Variants in RNF216 observed in about 807,000 individuals in gnomAD.
RNF216 encodes E3 ubiquitin-protein ligase RNF216.
A neutral mutation model predicts 110.8 loss-of-function variants in RNF216; 72 were observed. The observed-to-expected ratio is 0.65, with a 90% CI of 0.54 to 0.79. The LOEUF (loss-of-function observed/expected upper bound fraction) is 0.79, where lower values mean the gene tolerates loss of function less well. RNF216 is among the 30% of genes least tolerant of loss of function. The pLI is 0.00. For missense variants in RNF216, 1,342 were observed against 1,141.2 expected, an observed-to-expected ratio of 1.18 and a Z score of -2.54; for synonymous variants, 495 against 407.5, an observed-to-expected ratio of 1.21 and a Z score of -2.59.
intron 13 of RNF216, among the ~76,000 whole-genome samples, chr7:5,697,231 C>A (rs965602891): frequency 1.3e-5 from 2 of 152,246 alleles, no homozygotes; most frequent in African/African-American, 4.8e-5. Flanking sequence ...AGGCCCAGAC[C>A]CATGTCGCTC....
chr7:5,661,324 T>C (rs1473663878), intron 13 of RNF216, among the ~76,000 whole-genome samples: 3 of 151,622 alleles, frequency 2.0e-5, no homozygotes, highest in South Asian at 4.2e-4. Context: ...GTCTCCTCAG[T>C]AGCCTGAACT....
At chr7:5,762,562 G>A (rs1301555471) in intron 1 of RNF216, among the ~76,000 whole-genome samples, 1 of 151,516 alleles carries the variant, frequency 6.6e-6, no homozygotes, top group Non-Finnish European at 1.5e-5. Flanking sequence ...TGTGGTGACG[G>A]GCACCTGATA....
intron 9 of RNF216, among the ~76,000 whole-genome samples, chr7:5,717,506 C>T (rs1562424258): frequency 6.6e-6 from 1 of 152,152 alleles, no homozygotes; most frequent in Admixed American, 6.6e-5. Flanking sequence ...AATGCCACTT[C>T]CAAGAGTCTA....
chr7:5,777,787 T>C (rs890728649), intron 1 of RNF216, among the ~76,000 whole-genome samples: 1 of 152,234 alleles, frequency 6.6e-6, no homozygotes, highest in African/African-American at 2.4e-5. Flanking sequence ...AAGAATCCTA[T>C]TATCTGTGTA....
chr7:5,668,730 G>C (rs938666216), intron 13 of RNF216, among the ~76,000 whole-genome samples: 1 of 152,156 alleles, frequency 6.6e-6, no homozygotes, highest in African/African-American at 2.4e-5. Context: ...TCCCAGTCCC[G>C]AGGAAGAACG....
At chr7:5,755,212 A>T (rs140276083) in intron 2 of RNF216, among the ~76,000 whole-genome samples, 21 of 119,540 alleles carry the variant, frequency 1.8e-4, no homozygotes, top group Admixed American at 1.6e-3. Flanking sequence ...GAGGGAAGGA[A>T]GAAAGGAAGG....
At chr7:5,658,447 A>G (rs1562797403) in intron 13 of RNF216, among the ~76,000 whole-genome samples, 1 of 152,098 alleles carries the variant, frequency 6.6e-6, no homozygotes. Context: ...ACGTAAGCCC[A>G]GGAGTTTGAG....
intron 3 of RNF216, among the ~76,000 whole-genome samples, chr7:5,751,491 TGAAA>T (rs1464581064): frequency 1.3e-5 from 2 of 152,014 alleles, no homozygotes; most frequent in Admixed American, 6.6e-5. Context: ...TCCTAGAAAT[TGAAA>T]GAAAGAGTGA....
chr7:5,755,274 T>C (rs1385198353), intron 2 of RNF216, among the ~76,000 whole-genome samples: 1 of 151,530 alleles, frequency 6.6e-6, no homozygotes, highest in Non-Finnish European at 1.5e-5. Flanking sequence ...AAGGAACCTA[T>C]CACCTTATAA....
intron 3 of RNF216, among the ~76,000 whole-genome samples, chr7:5,744,117 G>A (rs1191550774): frequency 6.6e-6 from 1 of 152,116 alleles, no homozygotes; most frequent in South Asian, 2.1e-4. Context: ...GAATTCTAAA[G>A]TAACAGCATG....
chr7:5,719,827 TGCA>T (rs1793301657), intron 9 of RNF216, among the ~76,000 whole-genome samples: 5 of 152,360 alleles, frequency 3.3e-5, no homozygotes, highest in Admixed American at 3.3e-4. Context: ...AAGTGGCCAA[TGCA>T]GCTGCTTTGT....
chr7:5,692,959 T>C (rs1732334229), intron 13 of RNF216, among the ~76,000 whole-genome samples: 1 of 152,260 alleles, frequency 6.6e-6, no homozygotes, highest in Non-Finnish European at 1.5e-5. Flanking sequence ...TATGTCTGTG[T>C]CAGCAAGCAT....
At chr7:5,654,134 C>A (rs186650349) in intron 13 of RNF216, among the ~76,000 whole-genome samples, 156 of 152,174 alleles carry the variant, frequency 1.0e-3, no homozygotes, top group Non-Finnish European at 1.4e-3. Flanking sequence ...TAAAGCCACT[C>A]AGGAGAGAGG....
intron 15 of RNF216, among the ~76,000 whole-genome samples, chr7:5,636,842 AAAC>A (rs1290666877): frequency 2.6e-5 from 4 of 152,322 alleles, no homozygotes; most frequent in African/African-American, 4.8e-5. Flanking sequence ...TCCAACAAGA[AAAC>A]AACAAGGCAG....
chr7:5,627,163 G>A (rs1347480986), intron 15 of RNF216, among the ~76,000 whole-genome samples: 1 of 152,194 alleles, frequency 6.6e-6, no homozygotes, highest in Non-Finnish European at 1.5e-5. Context: ...TGAGGTCCCT[G>A]AGAAAGTACC....
At chr7:5,721,513 G>A (rs143934639) in intron 8 of RNF216, among the ~76,000 whole-genome samples, 39 of 152,238 alleles carry the variant, frequency 2.6e-4, no homozygotes, top group African/African-American at 8.7e-4. Flanking sequence ...TCTGAATAGC[G>A]CTGCTTATAG....
rs145269169 is a variant in RNF216, at chr7:5,642,415, T to C, written c.2160-1039A>G. Among the ~76,000 whole-genome samples, 33 of 152,244 alleles carry C rather than the reference T, an allele frequency of 2.2e-4. No homozygotes were observed. The East Asian group carries it at 5.0e-3, about 23-fold the overall frequency. On this transcript the variant is annotated intron_variant, in intron 14 of 16. Transcript: ENST00000389902. Reference sequence around the variant, plus strand: ...TTTTAGTAGAAATGGGGTTTCACCATGTTGGCCAGGCTGGTCTGGAACTCC... The same window carrying C: ...TTTTAGTAGAAATGGGGTTTCACCACGTTGGCCAGGCTGGTCTGGAACTCC...
chr7:5,690,053 G>A (rs1317036241), intron 13 of RNF216, among the ~76,000 whole-genome samples: 1 of 152,110 alleles, frequency 6.6e-6, no homozygotes, highest in Non-Finnish European at 1.5e-5. Flanking sequence ...GGCCAGGCGC[G>A]GTGGGTGGCT....
intron 8 of RNF216, among the ~76,000 whole-genome samples, chr7:5,723,377 G>A (rs536632882): frequency 2.2e-4 from 33 of 152,136 alleles, no homozygotes; most frequent in East Asian, 1.5e-3. Flanking sequence ...GGCCGGGTGC[G>A]GTGGCTCAAG....
Sources: allele counts gnomAD v4.1 joint callset (sites outside exome capture counted in the v4.1 genomes callset), GRCh38; gene constraint gnomAD v4.1.1; transcripts MANE v1.5; gene names NCBI Gene and HGNC (gene_info 2026-07-23, HGNC 2026-07-21).